Variants in SLC35D4 observed in about 807,000 individuals in gnomAD.
SLC35D4 encodes the protein solute carrier family 35 member D4, also known as UDP-N-acetylglucosamine transporter SLC35D4.
At chr18:23,309,699 T>C in the SLC35D4 span, 1 of 1,614,172 alleles carries the variant, frequency 6.2e-7, no homozygotes, top group Non-Finnish European at 8.5e-7. Flanking sequence ...GTTGCACTGG[T>C]CAGGATCGCA....
the SLC35D4 span, among the ~76,000 whole-genome samples, chr18:23,313,727 G>A: frequency 6.6e-6 from 1 of 152,156 alleles, no homozygotes; most frequent in African/African-American, 2.4e-5. Flanking sequence ...AGGGCCCCCA[G>A]GTATTAGCAC....
the SLC35D4 span, among the ~76,000 whole-genome samples, chr18:23,393,983 C>A: frequency 6.6e-6 from 1 of 152,228 alleles, no homozygotes; most frequent in Non-Finnish European, 1.5e-5. Flanking sequence ...TTGCTTCTAC[C>A]TTTTGTCTAT....
At chr18:23,436,033 CTTTTTTTTT>C in the SLC35D4 span, among the ~76,000 whole-genome samples, 6 of 96,240 alleles carry the variant, frequency 6.2e-5, 1 homozygote, top group Middle Eastern at 0.016. Context: ...AACACTTTCT[CTTTTTTTTT>C]TTTTTTTTTT....
At chr18:23,342,740 A>C in the SLC35D4 span, among the ~76,000 whole-genome samples, 1 of 152,334 alleles carries the variant, frequency 6.6e-6, no homozygotes, top group South Asian at 2.1e-4. Context: ...CACTGTCTGT[A>C]CCTTTTTAAA....
the SLC35D4 span, among the ~76,000 whole-genome samples, chr18:23,293,739 T>C: frequency 6.6e-6 from 1 of 152,210 alleles, no homozygotes; most frequent in African/African-American, 2.4e-5. Flanking sequence ...CCCCTGCCGG[T>C]ATTGAAGAGA....
chr18:23,241,777 T>C, the SLC35D4 span, among the ~76,000 whole-genome samples: 1 of 152,152 alleles, frequency 6.6e-6, no homozygotes, highest in Non-Finnish European at 1.5e-5. Flanking sequence ...GTCCTAAGTG[T>C]AATATAAAAA....
chr18:23,368,657 G>A, the SLC35D4 span: 1 of 1,087,976 alleles, frequency 9.2e-7, no homozygotes, highest in Admixed American at 2.6e-5. Flanking sequence ...AATATTATTG[G>A]AAAATAAAAA....
the SLC35D4 span, among the ~76,000 whole-genome samples, chr18:23,354,420 C>T: frequency 6.7e-6 from 1 of 148,948 alleles, no homozygotes; most frequent in African/African-American, 2.5e-5. Context: ...ACTCGGGAGG[C>T]TGAGGCAGGA....
At chr18:23,320,272 C>T in the SLC35D4 span, among the ~76,000 whole-genome samples, 31 of 152,294 alleles carry the variant, frequency 2.0e-4, no homozygotes, top group Admixed American at 1.2e-3. Context: ...CCTGCTACAT[C>T]GTGCCCAGTG....
the SLC35D4 span, among the ~76,000 whole-genome samples, chr18:23,330,799 C>T: frequency 6.6e-6 from 1 of 152,154 alleles, no homozygotes; most frequent in Non-Finnish European, 1.5e-5. Context: ...TGTACAGTTA[C>T]ATGTAAAGAA....
chr18:23,244,533 C>G, the SLC35D4 span, among the ~76,000 whole-genome samples: 29,669 of 152,250 alleles, frequency 0.19, 3,645 homozygotes, highest in Middle Eastern at 0.29. Flanking sequence ...AGCTGAAATG[C>G]CCATCTGTTG....
At chr18:23,324,799 C>A in the SLC35D4 span, among the ~76,000 whole-genome samples, 2 of 152,138 alleles carry the variant, frequency 1.3e-5, no homozygotes, top group African/African-American at 2.4e-5. Context: ...GCACAGTCTA[C>A]GCCACTGAGT....
the SLC35D4 span, among the ~76,000 whole-genome samples, chr18:23,337,002 AGT>A: frequency 9.9e-3 from 1,452 of 147,220 alleles, 13 homozygotes; most frequent in African/African-American, 0.02. Context: ...TTTCCCCTGT[AGT>A]GTGTGTGTGT....
chr18:23,390,447 A>G, the SLC35D4 span, among the ~76,000 whole-genome samples: 1 of 152,226 alleles, frequency 6.6e-6, no homozygotes, highest in Non-Finnish European at 1.5e-5. Context: ...AAATGCATTA[A>G]ATTACTTAGG....
At chr18:23,248,076 G>A in the SLC35D4 span, among the ~76,000 whole-genome samples, 12 of 152,304 alleles carry the variant, frequency 7.9e-5, no homozygotes, top group South Asian at 1.9e-3. Context: ...CGCAAGACCC[G>A]GGCCAGAGTG....
At chr18:23,264,297 G>C in the SLC35D4 span, among the ~76,000 whole-genome samples, 1 of 151,684 alleles carries the variant, frequency 6.6e-6, no homozygotes, top group African/African-American at 2.4e-5. Context: ...GCGGGAACAG[G>C]CACGCTACAC....
the SLC35D4 span, among the ~76,000 whole-genome samples, chr18:23,430,908 C>A: frequency 6.6e-6 from 1 of 152,046 alleles, no homozygotes; most frequent in Admixed American, 6.6e-5. Context: ...GTAATCCCAG[C>A]ACTTTGGGAG....
the SLC35D4 span, among the ~76,000 whole-genome samples, chr18:23,292,608 C>G: frequency 6.6e-6 from 1 of 152,204 alleles, no homozygotes; most frequent in Non-Finnish European, 1.5e-5. Flanking sequence ...CTGTGAAACA[C>G]GGGGACCTCA....
At chr18:23,407,970 A>G in the SLC35D4 span, among the ~76,000 whole-genome samples, 2 of 152,190 alleles carry the variant, frequency 1.3e-5, no homozygotes, top group Admixed American at 6.5e-5. Context: ...TTTGCTGGTC[A>G]GCAAATATGC....
Sources: allele counts gnomAD v4.1 joint callset (sites outside exome capture counted in the v4.1 genomes callset), GRCh38; gene constraint gnomAD v4.1.1; transcripts MANE v1.5; gene names NCBI Gene and HGNC (gene_info 2026-07-23, HGNC 2026-07-21).